The following ABHD17B variants were observed in gnomAD, a reference collection of about 807,000 sequenced individuals.
ABHD17B encodes alpha/beta hydrolase domain-containing protein 17B.
A neutral mutation model predicts 26.2 loss-of-function variants in ABHD17B; 9 were observed. The ratio of observed to expected loss-of-function variants is 0.34; its 90% CI spans 0.21 to 0.60. The LOEUF (loss-of-function observed/expected upper bound fraction) is 0.60, where lower values mean the gene tolerates loss of function less well. Among genes scored for constraint, ABHD17B ranks in the 20% least tolerant of loss-of-function variants. The probability of loss-of-function intolerance (pLI) is 0.80; values close to 1 mark genes in which losing one functional copy is unlikely to be tolerated. For missense variants in ABHD17B, 224 were observed against 352.1 expected (o/e 0.64, Z 2.91); for synonymous variants, 127 against 122.3 (o/e 1.04, Z -0.25).
intron 1 of ABHD17B, among the ~76,000 whole-genome samples, chr9:71,906,055 T>A (rs1827273808): frequency 6.6e-6 from 1 of 151,516 alleles, no homozygotes; most frequent in Non-Finnish European, 1.5e-5. Flanking sequence ...TCTCAAAAAA[T>A]AAATAAATAA....
At chr9:71,875,662 T>C (rs1000673458) in intron 1 of ABHD17B, among the ~76,000 whole-genome samples, 1 of 152,208 alleles carries the variant, frequency 6.6e-6, no homozygotes. Flanking sequence ...TCAAAAATGA[T>C]AAAGGTAATA....
rs112513232 is a variant in ABHD17B, at chr9:71,867,197, G to A, written c.648-191C>T. Among the ~76,000 whole-genome samples the A allele has an allele frequency of 3.7e-3, 569 of 152,258 alleles. 3 individuals are homozygous for A. The highest frequency in any genetic ancestry group is 0.014 in the Middle Eastern group (4 of 294). On this transcript the variant is annotated intron_variant, in intron 3 of 3. Coordinates refer to ENST00000333421, the MANE Select transcript of ABHD17B (RefSeq NM_001025780.3). ...CATACTCCCTACCTTAAGATTATCT[G>A]AGGAAGTTATTTTCATGCACTTGTT...
chr9:71,891,459 A>AT (rs1325735058), intron 1 of ABHD17B, among the ~76,000 whole-genome samples: 1 of 152,132 alleles, frequency 6.6e-6, no homozygotes, highest in Non-Finnish European at 1.5e-5. Context: ...ACTATCCACT[A>AT]TATCTATAAA....
In ABHD17B at chr9:71,882,823, CAATTCTGTGAA is replaced by C. The variant is rs754118028; in HGVS notation, c.-3-7751_-3-7741del. 1.8e-3 allele frequency among the ~76,000 whole-genome samples: 273 copies of C among 152,100 alleles called. 3 individuals are homozygous for C. Among genetic ancestry groups the C allele is most frequent in the Non-Finnish European group, 3.0e-3 (202 of 67,992 alleles). On this transcript the variant is annotated intron_variant, in intron 1 of 3. Coordinates refer to ENST00000333421, the MANE Select transcript of ABHD17B (RefSeq NM_001025780.3). ...AAAATTGATTTGGGTGATTGTTGCA[CAATTCTGTGAA>C]AATTCTGTGAATATATATATTAAAA...
At chr9:71,906,144 C>G (rs935851839) in intron 1 of ABHD17B, among the ~76,000 whole-genome samples, 7 of 151,852 alleles carry the variant, frequency 4.6e-5, no homozygotes, top group African/African-American at 1.7e-4. Context: ...TAGAGGGGAA[C>G]AGAAAGAGGA....
In ABHD17B at chr9:71,874,715, T is replaced by A; in HGVS notation, c.366A>T (p.Ile122=). 6.2e-7 allele frequency: 1 copy of A among 1,614,176 alleles called. No individual in the cohort carries two copies. The highest frequency in any genetic ancestry group is 8.5e-7 in the Non-Finnish European group (1 of 1,180,010). The change falls in exon 2 of 4, where the codon ATA becomes ATT. Residue 122 remains isoleucine, a synonymous_variant. Transcript: ENST00000333421. The part of the protein sequence containing the change: ...IGLGSRINCN[I]FSYDYSGYGA... ...CATATCCAGAATAATCATATGAGAATATATTACAATTAATCCGTGATCCTA... is the reference window on the plus strand; with the variant it reads ...CATATCCAGAATAATCATATGAGAAAATATTACAATTAATCCGTGATCCTA...
chr9:71,888,313 CAT>C (rs573499083), intron 1 of ABHD17B, among the ~76,000 whole-genome samples: 17 of 152,348 alleles, frequency 1.1e-4, no homozygotes, highest in African/African-American at 3.4e-4. Context: ...TGAACAGACA[CAT>C]GTTTTCTCTC....
intron 1 of ABHD17B, among the ~76,000 whole-genome samples, chr9:71,875,343 A>G (rs1050756271): frequency 2.0e-5 from 3 of 151,772 alleles, no homozygotes; most frequent in Admixed American, 1.3e-4. Context: ...CTCCTGCCTC[A>G]GCCTCCTAAG....
At chr9:71,909,005 A>G (rs901044650) in intron 1 of ABHD17B, among the ~76,000 whole-genome samples, 1 of 152,218 alleles carries the variant, frequency 6.6e-6, no homozygotes, top group Non-Finnish European at 1.5e-5. Context: ...TAAGCTACTA[A>G]AAACATTATT....
intron 1 of ABHD17B, among the ~76,000 whole-genome samples, chr9:71,878,385 T>C (rs1028154202): frequency 5.9e-5 from 9 of 152,096 alleles, no homozygotes; most frequent in African/African-American, 1.7e-4. Context: ...ATCCATACTA[T>C]AGAAGTTCCA....
At chr9:71,884,595 T>C (rs1387169222) in intron 1 of ABHD17B, among the ~76,000 whole-genome samples, 2 of 148,922 alleles carry the variant, frequency 1.3e-5, no homozygotes, top group African/African-American at 5.0e-5. Flanking sequence ...TGTCAGAGTA[T>C]ATGCTTACCA....
intron 2 of ABHD17B, among the ~76,000 whole-genome samples, chr9:71,871,904 T>C (rs1025497337): frequency 2.6e-5 from 4 of 152,190 alleles, no homozygotes; most frequent in African/African-American, 9.6e-5. Flanking sequence ...TTTTGGTCCA[T>C]CAGAAGGTCA....
At chr9:71,864,213 C>CTTT (rs762446648), downstream of ABHD17B, among the ~76,000 whole-genome samples, 2,919 of 80,350 alleles carry the variant, frequency 0.036, 419 homozygotes, top group African/African-American at 0.041. Context: ...GCCAAACTTT[C>CTTT]TTTTTTTTTT....
chr9:71,888,491 G>C (rs1311311454), intron 1 of ABHD17B, among the ~76,000 whole-genome samples: 1 of 152,090 alleles, frequency 6.6e-6, no homozygotes, highest in East Asian at 1.9e-4. Flanking sequence ...AAACTTTTCA[G>C]GTGAGTACCT....
chr9:71,880,585 A>C (rs1362581848), intron 1 of ABHD17B, among the ~76,000 whole-genome samples: 1 of 152,140 alleles, frequency 6.6e-6, no homozygotes, highest in Admixed American at 6.5e-5. Flanking sequence ...GTATTAAAAC[A>C]AATGAGACTT....
At chr9:71,898,072 A>G (rs563045156) in intron 1 of ABHD17B, among the ~76,000 whole-genome samples, 28 of 152,326 alleles carry the variant, frequency 1.8e-4, no homozygotes, top group Middle Eastern at 3.4e-3. Context: ...AGAAAATAAG[A>G]ACAATATATT....
chr9:71,867,057 G>A, intron 3 of ABHD17B, 51 bp from the exon 4 acceptor site: 1 of 1,577,318 alleles, frequency 6.3e-7, no homozygotes, highest in Non-Finnish European at 8.6e-7. Flanking sequence ...CTATGTAAAG[G>A]AACATATTCT....
intron 1 of ABHD17B, among the ~76,000 whole-genome samples, chr9:71,900,311 G>T (rs1464185288): frequency 6.6e-6 from 1 of 152,076 alleles, no homozygotes; most frequent in East Asian, 1.9e-4. Flanking sequence ...TTCTTTTCTA[G>T]ACGGCCTACA....
chr9:71,865,359 A>G lies in ABHD17B; in HGVS notation c.*1428T>C, dbSNP rs1825927622. ...CATTCATTTACAAATTAGACTACAT[A>G]CCATTAATTTTATTTTTATTTTTCA... On this transcript the variant is annotated 3_prime_UTR_variant, in exon 4 of 4. Transcript: ENST00000333421. 1.0e-6 allele frequency: 1 copy of G among 982,162 alleles called. No homozygotes were observed. The highest frequency in any genetic ancestry group is 1.2e-6 in the Non-Finnish European group (1 of 826,814). The allele number at this position is 982,162 out of a possible 1,614,324, so 60.8% of individuals were successfully genotyped here. A position where few individuals can be genotyped will look rare whatever the true frequency, so the allele number is the denominator to read the frequency against.
Sources: gnomAD v4.1 joint callset for allele counts (sites outside exome capture counted in the v4.1 genomes callset) on GRCh38, gnomAD v4.1.1 for gene constraint, MANE v1.5 for transcripts, NCBI Gene and HGNC (gene_info 2026-07-23, HGNC 2026-07-21) for gene names.